Variants in GALNT18 observed in about 807,000 individuals in gnomAD.
GALNT18 encodes the protein polypeptide N-acetylgalactosaminyltransferase 18.
GALNT18 carries 44 observed loss-of-function variants against 69.5 expected under a neutral mutation model. The ratio of observed to expected loss-of-function variants is 0.63; its 90% CI spans 0.50 to 0.81. The LOEUF (loss-of-function observed/expected upper bound fraction) is 0.81. Among genes scored for constraint, GALNT18 ranks in the 40% least tolerant of loss-of-function variants. The pLI, the probability that GALNT18 is intolerant of heterozygous loss-of-function variation, is 0.00. For missense variants in GALNT18, 715 were observed against 810.0 expected (o/e 0.88, Z 1.42); for synonymous variants, 364 against 318.2 (o/e 1.14, Z -1.53).
chr11:11,520,142 C>T (rs974458959), intron 1 of GALNT18, among the ~76,000 whole-genome samples: 3 of 152,250 alleles, frequency 2.0e-5, no homozygotes, highest in African/African-American at 7.2e-5. Context: ...AACCAACAAG[C>T]TTGTAGCGCT....
In GALNT18 at chr11:11,350,693, G is replaced by A. The variant is rs533190836; in HGVS notation, c.1093-9689C>T. 1.8e-4 allele frequency among the ~76,000 whole-genome samples: 27 copies of A among 152,248 alleles called. No homozygotes were observed. In the East Asian group the frequency reaches 4.3e-3, roughly 24 times the overall value. On this transcript the variant is annotated intron_variant, in intron 6 of 10. Transcript: ENST00000227756. ...GAGGACATGGCCTCTGCCACTTCCC[G>A]GGGAAGGCAGGTGACTATCCAGTGT... is the stretch of plus-strand genomic sequence containing the variant.
chr11:11,453,316 C>T (rs1338635297), intron 1 of GALNT18, among the ~76,000 whole-genome samples: 1 of 152,144 alleles, frequency 6.6e-6, no homozygotes, highest in Non-Finnish European at 1.5e-5. Context: ...CCTGCAAGGC[C>T]CAGCACTCAC....
chr11:11,407,286 C>T (rs921229860), intron 3 of GALNT18, among the ~76,000 whole-genome samples: 1 of 152,232 alleles, frequency 6.6e-6, no homozygotes, highest in Admixed American at 6.5e-5. Context: ...AATCGTGTGG[C>T]TTTCTGACAG....
chr11:11,286,217 T>G (rs1849189963), intron 10 of GALNT18, among the ~76,000 whole-genome samples: 2 of 152,252 alleles, frequency 1.3e-5, no homozygotes, highest in South Asian at 4.1e-4. Context: ...CAGATCCTCC[T>G]GTTTTTAAAA....
intron 1 of GALNT18, among the ~76,000 whole-genome samples, chr11:11,450,531 C>G (rs957118892): frequency 1.3e-5 from 2 of 152,210 alleles, no homozygotes; most frequent in Admixed American, 1.3e-4. Context: ...TTAGCAAGCT[C>G]ACGATCCTGA....
Position 11,518,649 on chromosome 11 carries a change from T to C in GALNT18, c.236-69713A>G, listed in dbSNP as rs1857332232. On this transcript the variant is annotated intron_variant, in intron 1 of 10. Transcript: ENST00000227756. Reference sequence around the variant, plus strand: ...AGAAAGACACAAAGATGCAAATTCTTGAAAACACACGGACATAGAAAAAGA... The same window carrying C: ...AGAAAGACACAAAGATGCAAATTCTCGAAAACACACGGACATAGAAAAAGA... Among the ~76,000 whole-genome samples the C allele has an allele frequency of 2.0e-5, 3 of 152,228 alleles. No individual in the cohort carries two copies. The South Asian group carries it at 6.2e-4, about 31-fold the overall frequency.
intron 1 of GALNT18, among the ~76,000 whole-genome samples, chr11:11,477,163 T>C (rs1856419174): frequency 1.3e-5 from 2 of 152,192 alleles, no homozygotes; most frequent in Admixed American, 6.5e-5. Context: ...CCTCCTCCAA[T>C]GGCAGGATGA....
At chr11:11,559,180 G>C (rs1393293573) in intron 1 of GALNT18, among the ~76,000 whole-genome samples, 4 of 152,196 alleles carry the variant, frequency 2.6e-5, no homozygotes, top group Non-Finnish European at 5.9e-5. Context: ...GAGATTTGCT[G>C]TTTGCCTGGC....
intron 1 of GALNT18, among the ~76,000 whole-genome samples, chr11:11,550,948 G>A (rs1231853086): frequency 6.6e-6 from 1 of 152,180 alleles, no homozygotes; most frequent in Non-Finnish European, 1.5e-5. Context: ...GCAGCATGGA[G>A]AGGAAGAGCA....
At position 11,590,761 on chromosome 11, in the gene GALNT18, A is replaced by G. The variant is rs537457155; in HGVS notation, c.235+30598T>C. Among the ~76,000 whole-genome samples the G allele has an allele frequency of 3.0e-4, 45 of 152,272 alleles. No individual in the cohort carries two copies. The highest frequency in any genetic ancestry group is 1.0e-3 in the African/African-American group (43 of 41,546). ...CCAAAAATTCCTATTGCCTAGTAAC[A>G]TCACAGCCATCCTTATGTCACAGCA... On this transcript the variant is annotated intron_variant, in intron 1 of 10. Transcript: ENST00000227756. The surrounding 1 kb of genome is among the most constrained non-coding windows in gnomAD (Gnocchi z 4.4).
In GALNT18 at chr11:11,364,457, T is replaced by A. The variant is rs76197297; in HGVS notation, c.1092+8058A>T. 2.9e-4 allele frequency among the ~76,000 whole-genome samples: 44 copies of A among 152,292 alleles called. No individual in the cohort carries two copies. The East Asian group carries it at 8.3e-3, about 29-fold the overall frequency. ...GAAATGTATGGGACAGAAGGACCTG[T>A]TAAATGACATCAGGGGAATGTAATC... is the stretch of plus-strand genomic sequence containing the variant. On this transcript the variant is annotated intron_variant, in intron 6 of 10. Coordinates refer to ENST00000227756, the MANE Select transcript of GALNT18 (RefSeq NM_198516.3).
intron 1 of GALNT18, among the ~76,000 whole-genome samples, chr11:11,574,606 G>T (rs1341814932): frequency 2.0e-5 from 3 of 152,142 alleles, no homozygotes; most frequent in Non-Finnish European, 4.4e-5. Context: ...GTTTATTTAG[G>T]TTTGAGGCCT....
In GALNT18 at chr11:11,276,476, A is replaced by T. The variant is rs140516129; in HGVS notation, c.1678-5186T>A. ...ATATACAATCATGTCATCTGCAAAC[A>T]GAGGCAATTTGACTTCCTCTCTCTC... On this transcript the variant is annotated intron_variant, in intron 10 of 10. Coordinates refer to ENST00000227756, the MANE Select transcript of GALNT18 (RefSeq NM_198516.3). Among the ~76,000 whole-genome samples, 4 of 150,442 alleles carry T rather than the reference A, an allele frequency of 2.7e-5. No individual in the cohort carries two copies. The East Asian group carries it at 7.7e-4, about 29-fold the overall frequency.
At chr11:11,279,275 T>C (rs1162805695) in intron 10 of GALNT18, among the ~76,000 whole-genome samples, 1 of 152,172 alleles carries the variant, frequency 6.6e-6, no homozygotes, top group Non-Finnish European at 1.5e-5. Flanking sequence ...TTCTTTAATT[T>C]CTTTGTAGCA....
At position 11,604,973 on chromosome 11, in the gene GALNT18, T is replaced by C. The variant is rs1023925840; in HGVS notation, c.235+16386A>G. On this transcript the variant is annotated intron_variant, in intron 1 of 10. Transcript: ENST00000227756. The surrounding 1 kb of genome is among the most constrained non-coding windows in gnomAD (Gnocchi z 5.6). ...TAAAAAAAAAGAATGGAATAGTCCT[T>C]TTTAAATGACATTTTCAATTTTTCC... Among the ~76,000 whole-genome samples, 14 of 152,310 alleles carry C rather than the reference T, an allele frequency of 9.2e-5. 1 individual carries two copies. The highest frequency in any genetic ancestry group is 2.6e-4 in the African/African-American group (11 of 41,572).
chr11:11,554,797 T>G (rs1858288166), intron 1 of GALNT18, among the ~76,000 whole-genome samples: 2 of 152,024 alleles, frequency 1.3e-5, no homozygotes, highest in African/African-American at 4.8e-5. Flanking sequence ...ACACTCTACT[T>G]ATGGAAAGTG....
chr11:11,581,342 A>T (rs1859078912), intron 1 of GALNT18, among the ~76,000 whole-genome samples: 1 of 152,214 alleles, frequency 6.6e-6, no homozygotes, highest in Non-Finnish European at 1.5e-5. Flanking sequence ...ATCCGGGTAC[A>T]CAAAGACTCT....
In GALNT18 at chr11:11,358,859, A is replaced by G. The variant is rs12282167; in HGVS notation, c.1092+13656T>C. On this transcript the variant is annotated intron_variant, in intron 6 of 10. Transcript: ENST00000227756. Reference sequence around the variant, plus strand: ...CACACACACACACACACACACACACACACGCACAGACATGTTATCCCAAGC... The same window carrying G: ...CACACACACACACACACACACACACGCACGCACAGACATGTTATCCCAAGC... 1.6e-3 allele frequency among the ~76,000 whole-genome samples: 208 copies of G among 130,088 alleles called. 25 individuals are homozygous for G. Among genetic ancestry groups the G allele is most frequent in the South Asian group, 5.8e-3 (26 of 4,446 alleles). 85.3% of individuals were successfully genotyped at this position (130,088 alleles called of 152,430 possible).
chr11:11,353,094 G>C (rs1850452926), intron 6 of GALNT18: 7 of 1,613,910 alleles, frequency 4.3e-6, no homozygotes, highest in African/African-American at 1.3e-5. Context: ...GTAAACTCTG[G>C]CCCTGCTTGG....
Sources: allele counts gnomAD v4.1 joint callset (sites outside exome capture counted in the v4.1 genomes callset), GRCh38; gene constraint gnomAD v4.1.1; non-coding constraint Gnocchi (gnomAD v3.1); transcripts MANE v1.5; gene names NCBI Gene and HGNC (gene_info 2026-07-23, HGNC 2026-07-21).